GPSM1: variants seen among roughly 807,000 people sequenced by gnomAD.
GPSM1 encodes the protein G protein signaling modulator 1.
Under a neutral mutation model 70.5 loss-of-function variants are expected in GPSM1, and 48 were observed. The observed-to-expected ratio is 0.68, with a 90% confidence interval of 0.54 to 0.87. GPSM1 has a LOEUF of 0.87. Ranked by LOEUF, GPSM1 falls within the 40% of genes least tolerant of loss-of-function variation. The pLI is 0.00. For missense variants in GPSM1, 981 were observed against 972.6 expected, an observed-to-expected ratio of 1.01 and a Z score of -0.11; for synonymous variants, 416 against 430.1, an observed-to-expected ratio of 0.97 and a Z score of 0.41.
At chr9:136,345,463 C>T (rs782010786) in intron 9 of GPSM1, among the ~76,000 whole-genome samples, 6 of 152,194 alleles carry the variant, frequency 3.9e-5, no homozygotes, top group Non-Finnish European at 5.9e-5. Context: ...TTCCGCCCAC[C>T]GTCCGTGCCT....
intron 11 of GPSM1, chr9:136,353,140 A>G: frequency 1.0e-6 from 1 of 983,358 alleles, no homozygotes; most frequent in Non-Finnish European, 1.2e-6. Flanking sequence ...TGCTGTGGAG[A>G]CAGCCTGTGA....
At chr9:136,352,925 G>T (rs1832711193) in intron 11 of GPSM1, 1 of 144,378 alleles carries the variant, frequency 6.9e-6, no homozygotes, top group Non-Finnish European at 1.4e-5. Context: ...CCACGTGCGT[G>T]TGTGTGAGCC....
In GPSM1 at chr9:136,358,457, CG is replaced by C. The variant is rs1832907012; in HGVS notation, c.*239del. On this transcript the variant is annotated 3_prime_UTR_variant, in exon 14 of 14. Coordinates refer to ENST00000440944, the MANE Select transcript of GPSM1 (RefSeq NM_001145638.3). ...CCTCCCTTCTGCCCCTGCCGCAGGC[CG>C]GACGGGGCCTTCGGCATGTCGGCCC... 1 of 558,718 alleles carries C rather than the reference CG, an allele frequency of 1.8e-6. No homozygotes were observed. Among genetic ancestry groups the C allele is most frequent in the Non-Finnish European group, 3.1e-6 (1 of 321,080 alleles). 34.6% of individuals were successfully genotyped at this position (558,718 alleles called of 1,614,324 possible).
rs201084003 is a variant in GPSM1, at chr9:136,356,777, CT to C, written c.1821+228del. On this transcript the variant is annotated intron_variant, in intron 13 of 13. Transcript: ENST00000440944. ...CTGCTGGAGACACCAGAGACCCCCC[CT>C]GGCAACCCCAGGACACTCCCAGGCT... Among the ~76,000 whole-genome samples the C allele has an allele frequency of 2.9e-4, 44 of 152,304 alleles. No individual in the cohort carries two copies. The East Asian group carries it at 7.9e-3, about 27-fold the overall frequency.
At position 136,358,311 on chromosome 9, in the gene GPSM1, G is replaced by A. The variant is rs1178705447; in HGVS notation, c.*91G>A. The A allele has an allele frequency of 1.7e-6, 2 of 1,186,964 alleles. No homozygotes were observed. The highest frequency in any genetic ancestry group is 1.5e-5 in the African/African-American group (1 of 65,034). 73.5% of individuals were successfully genotyped at this position (1,186,964 alleles called of 1,614,324 possible). A position where few individuals can be genotyped will look rare whatever the true frequency, so the allele number is the denominator to read the frequency against. On this transcript the variant is annotated 3_prime_UTR_variant, in exon 14 of 14. Coordinates refer to ENST00000440944, the MANE Select transcript of GPSM1 (RefSeq NM_001145638.3). The stretch of plus-strand genomic sequence containing the variant: ...CACGTCCTCCCGAGGCCATTGCCGA[G>A]GACAGGCACTGGGCATGCAGCCCCA...
At chr9:136,337,140 C>A in intron 4 of GPSM1, 68 bp downstream of exon 4, 3 of 1,384,210 alleles carry the variant, frequency 2.2e-6, no homozygotes, top group Non-Finnish European at 2.9e-6. Context: ...ACAGACACTT[C>A]CAGACCCCCG....
In GPSM1 at chr9:136,332,063, C is replaced by T. The variant is rs1277608531; in HGVS notation, c.69-2384C>T. On this transcript the variant is annotated intron_variant, in intron 1 of 13. Coordinates refer to ENST00000440944, the MANE Select transcript of GPSM1 (RefSeq NM_001145638.3). ...TGGCCCTGAGCTTGGCGGAGAAGGC[C>T]GTGTGCAAGGTGGTGTATGGCGCCC... is the stretch of plus-strand genomic sequence containing the variant. The T allele has an allele frequency of 1.5e-5, 6 of 398,806 alleles. No individual in the cohort carries two copies. The East Asian group carries it at 1.8e-4, about 12-fold the overall frequency. The allele number at this position is 398,806 out of a possible 1,614,324, so 24.7% of individuals were successfully genotyped here.
At chr9:136,348,293 T>G (rs1279474864) in intron 9 of GPSM1, among the ~76,000 whole-genome samples, 2 of 152,104 alleles carry the variant, frequency 1.3e-5, no homozygotes, top group African/African-American at 4.8e-5. Context: ...CACAGCATGA[T>G]GCACCCTCAG....
chr9:136,350,908 G>A (rs1223521379), intron 11 of GPSM1, among the ~76,000 whole-genome samples: 1 of 152,090 alleles, frequency 6.6e-6, no homozygotes, highest in Non-Finnish European at 1.5e-5. Context: ...GTTGGTGGGG[G>A]GACAGGTGAC....
At position 136,354,817 on chromosome 9, in the gene GPSM1, G is replaced by A. The variant is rs563773265; in HGVS notation, c.1456-873G>A. ...CAGACACCGGTGAGGGCTGTGTAGG[G>A]CATGGACACAGGGAGCTCATGGCAG... On this transcript the variant is annotated intron_variant, in intron 11 of 13. Transcript: ENST00000440944. 1.3e-5 allele frequency: 13 copies of A among 993,842 alleles called. No homozygotes were observed. The African/African-American group carries it at 1.7e-4, about 13-fold the overall frequency. The allele number at this position is 993,842 out of a possible 1,614,324, so 61.6% of individuals were successfully genotyped here.
chr9:136,335,802 C>T (rs779231567), intron 2 of GPSM1, among the ~76,000 whole-genome samples, 164 bp from the exon 3 acceptor site: 12 of 152,204 alleles, frequency 7.9e-5, no homozygotes, highest in Middle Eastern at 3.2e-3. Flanking sequence ...CTCACTTGCC[C>T]GGCCTGTGGG....
Position 136,358,183 on chromosome 9 carries a change from C to G in GPSM1, c.1991C>G (p.Pro664Arg). Reference protein sequence around the residue: ...GGPEQGAGGPPEPQQQCQPGA... With the variant: ...GGPEQGAGGPREPQQQCQPGA... Reference sequence around the variant, plus strand: ...CCGGAGCAGGGGGCAGGCGGCCCGCCCGAGCCCCAGCAGCAGTGCCAGCCT... The same window carrying G: ...CCGGAGCAGGGGGCAGGCGGCCCGCGCGAGCCCCAGCAGCAGTGCCAGCCT... The change falls in exon 14 of 14, where the codon CCC becomes CGC. Residue 664 changes from proline (P) to arginine (R), a missense_variant. Transcript: ENST00000440944. 6.4e-7 allele frequency: 1 copy of G among 1,569,736 alleles called. No homozygotes were observed. Among genetic ancestry groups the G allele is most frequent in the African/African-American group, 1.4e-5 (1 of 74,036 alleles).
rs782415675 is a variant in GPSM1, at chr9:136,357,780, G to A, written c.1822-234G>A. Among the ~76,000 whole-genome samples, 51 of 152,330 alleles carry A rather than the reference G, an allele frequency of 3.3e-4. 1 individual carries two copies. The highest frequency in any genetic ancestry group is 8.7e-4 in the African/African-American group (36 of 41,578). ...ATCGCTGGACCTGCTTTTCCTGGGCGGGCCTGCCCTGGGCTCCTGCGGGTT... is the reference window on the plus strand; with the variant it reads ...ATCGCTGGACCTGCTTTTCCTGGGCAGGCCTGCCCTGGGCTCCTGCGGGTT... On this transcript the variant is annotated intron_variant, in intron 13 of 13. Transcript: ENST00000440944.
At chr9:136,354,201 C>T (rs1832749345) in intron 11 of GPSM1, among the ~76,000 whole-genome samples, 1 of 152,222 alleles carries the variant, frequency 6.6e-6, no homozygotes, top group Admixed American at 6.5e-5. Flanking sequence ...GGGCCCTCGG[C>T]TCAGCTCAAG....
At chr9:136,331,749 G>A (rs1359572521) in intron 1 of GPSM1, among the ~76,000 whole-genome samples, 1 of 152,226 alleles carries the variant, frequency 6.6e-6, no homozygotes, top group African/African-American at 2.4e-5. Flanking sequence ...CACGTTGGAC[G>A]GGATTACCCC....
chr9:136,354,138 G>A (rs1329869317), intron 11 of GPSM1, among the ~76,000 whole-genome samples: 1 of 152,162 alleles, frequency 6.6e-6, no homozygotes, highest in African/African-American at 2.4e-5. Context: ...GCTGGGGACT[G>A]ACTCCAGGGG....
At chr9:136,331,377 G>A (rs1480993840) in intron 1 of GPSM1, among the ~76,000 whole-genome samples, 5 of 91,774 alleles carry the variant, frequency 5.4e-5, no homozygotes, top group African/African-American at 1.7e-4. Context: ...CCCCCCCCCC[G>A]CTGCCCCATG....
Position 136,353,156 on chromosome 9 carries a change from G to A in GPSM1, c.1456-2534G>A, listed in dbSNP as rs181530825. ...GCTGTGGAGACAGCCTGTGATCCGC[G>A]TGAGTCTGGGGTCCCTGGGGTCCTA... On this transcript the variant is annotated intron_variant, in intron 11 of 13. Transcript: ENST00000440944. The A allele has an allele frequency of 4.9e-5, 48 of 975,166 alleles. No homozygotes were observed. In the East Asian group the frequency reaches 2.0e-3, roughly 41 times the overall value. 60.4% of individuals were successfully genotyped at this position (975,166 alleles called of 1,614,324 possible). A position where few individuals can be genotyped will look rare whatever the true frequency, so the allele number is the denominator to read the frequency against.
At chr9:136,356,237 G>A (rs1832817903) in intron 12 of GPSM1, 105 bp from the exon 13 acceptor site, 1 of 889,358 alleles carries the variant, frequency 1.1e-6, no homozygotes, top group Non-Finnish European at 1.7e-6. Context: ...CAGCAGCACA[G>A]TGGGCTGGGC....
Sources: allele counts gnomAD v4.1 joint callset (sites outside exome capture counted in the v4.1 genomes callset), GRCh38; gene constraint gnomAD v4.1.1; transcripts MANE v1.5; gene names NCBI Gene and HGNC (gene_info 2026-07-23, HGNC 2026-07-21).